The following CDC42BPB variants were observed in gnomAD, a reference collection of about 807,000 sequenced individuals.
The protein encoded by CDC42BPB is serine/threonine-protein kinase MRCK beta.
In CDC42BPB, 37 loss-of-function variants were observed where a neutral mutation model predicts 214.9. The ratio of observed to expected loss-of-function variants is 0.17; its 90% confidence interval spans 0.13 to 0.23. The LOEUF is 0.23. CDC42BPB is among the 10% of genes least tolerant of loss of function. The pLI, the probability that CDC42BPB is intolerant of heterozygous loss-of-function variation, is 1.00. For missense variants in CDC42BPB, 1,694 were observed against 2,227.0 expected, an observed-to-expected ratio of 0.76 and a Z score of 4.82; for synonymous variants, 931 against 884.0, an observed-to-expected ratio of 1.05 and a Z score of -0.94.
chr14:102,939,402 C>T (rs1316967692), intron 34 of CDC42BPB, among the ~76,000 whole-genome samples: 2 of 152,194 alleles, frequency 1.3e-5, no homozygotes, highest in African/African-American at 4.8e-5. Context: ...CAGGGCGGCC[C>T]GAGGCCTGTG....
At chr14:103,052,088 T>C (rs1477418822) in intron 1 of CDC42BPB, among the ~76,000 whole-genome samples, 1 of 151,848 alleles carries the variant, frequency 6.6e-6, no homozygotes, top group Non-Finnish European at 1.5e-5. Context: ...CACCTTGGCC[T>C]CCCAAAGTGC....
At chr14:102,934,387 A>C (rs556615361) in intron 36 of CDC42BPB, among the ~76,000 whole-genome samples, 1 of 152,016 alleles carries the variant, frequency 6.6e-6, no homozygotes, top group Non-Finnish European at 1.5e-5. Context: ...ACAAAAAATT[A>C]GCCGGGCGTG....
At chr14:102,964,444 G>A (rs1210322942) in intron 19 of CDC42BPB, 58 bp downstream of exon 19, 8 of 1,590,012 alleles carry the variant, frequency 5.0e-6, no homozygotes, top group African/African-American at 2.7e-5. Flanking sequence ...GGCTCAGGGC[G>A]GGCTCGAGGC....
At chr14:102,968,812 C>T in intron 14 of CDC42BPB, 96 bp from the exon 15 acceptor site, 2 of 1,551,164 alleles carry the variant, frequency 1.3e-6, no homozygotes, top group Admixed American at 1.8e-5. Context: ...GTGCAGACAC[C>T]TTCCCAAGGA....
Position 102,964,593 on chromosome 14 carries a change from G to A in CDC42BPB, c.2635C>T (p.Leu879=), listed in dbSNP as rs753628137. 6.2e-7 allele frequency: 1 copy of A among 1,613,896 alleles called. No homozygotes were observed. The highest frequency in any genetic ancestry group is 1.1e-5 in the South Asian group (1 of 91,074). The part of the protein sequence containing the change: ...QKLDMSARLE[L]QSALEAEIRA... The stretch of plus-strand genomic sequence containing the variant: ...ATCTCCGCCTCCAGGGCCGACTGCA[G>A]CTCCAGCCGCGCGGACATGTCCAGC... The change falls in exon 19 of 37, where the codon CTG becomes TTG. Residue 879 remains leucine, a synonymous_variant. Transcript: ENST00000361246.
rs762000637 is a variant in CDC42BPB, at chr14:102,968,308, C to T, written c.2291G>A (p.Arg764Gln). ...AVGTIKDKYE[R>Q]ERAMLFDENK... Reference sequence around the variant, plus strand: ...TTCATCAAACAGCATCGCTCTTTCTCGTTCGTATTTATCTTTTATTGTACC... The same window carrying T: ...TTCATCAAACAGCATCGCTCTTTCTTGTTCGTATTTATCTTTTATTGTACC... The change falls in exon 16 of 37, where the codon CGA (arginine) becomes CAA (glutamine). Residue 764 changes from arginine to glutamine, a missense_variant. This residue lies in a region of CDC42BPB where 462 missense variants were observed against 513.5 expected (regional missense o/e 0.90). Transcript: ENST00000361246. 3.0e-5 allele frequency: 48 copies of T among 1,613,898 alleles called. No homozygotes were observed. The highest frequency in any genetic ancestry group is 8.9e-5 in the East Asian group (4 of 44,904).
chr14:102,959,822 C>T, intron 20 of CDC42BPB, 112 bp from the exon 21 acceptor site: 1 of 726,820 alleles, frequency 1.4e-6, no homozygotes. Context: ...ACTGATACAT[C>T]TGACATGATC....
At chr14:103,053,218 G>T (rs994490368) in intron 1 of CDC42BPB, among the ~76,000 whole-genome samples, 2 of 151,844 alleles carry the variant, frequency 1.3e-5, no homozygotes, top group Non-Finnish European at 2.9e-5. Context: ...CGTGGTGGCA[G>T]GCACCTATAA....
Position 103,057,474 on chromosome 14 carries a change from C to A in CDC42BPB, c.-301G>T. 4.3e-6 allele frequency: 1 copy of A among 234,682 alleles called. No homozygotes were observed. Among genetic ancestry groups the A allele is most frequent in the South Asian group, 1.4e-4 (1 of 7,360 alleles). The allele number at this position is 234,682 out of a possible 1,614,324, so 14.5% of individuals were successfully genotyped here. On this transcript the variant is annotated 5_prime_UTR_variant, in exon 1 of 37. In the 5' UTR this introduces an upstream ATG that the reference lacks. Coordinates refer to ENST00000361246, the MANE Select transcript of CDC42BPB (RefSeq NM_006035.4). ...CCTCAGCCCCGCCCGCGGCCGCGCC[C>A]TCCCCGCCGCCGCCGCCGCAGACTA...
At chr14:102,980,345 T>C (rs1465494156) in intron 8 of CDC42BPB, among the ~76,000 whole-genome samples, 1 of 152,030 alleles carries the variant, frequency 6.6e-6, no homozygotes, top group African/African-American at 2.4e-5. Flanking sequence ...ATACAAAAAT[T>C]AGCTGGGCAT....
chr14:102,971,865 AAAAGTCACAC>A, intron 13 of CDC42BPB, 44 bp downstream of exon 13: 1 of 1,556,260 alleles, frequency 6.4e-7, no homozygotes, highest in South Asian at 1.2e-5. Context: ...GACGTTTTAT[AAAAGTCACAC>A]AAATGTCCAG....
intron 6 of CDC42BPB, among the ~76,000 whole-genome samples, chr14:102,984,300 G>A (rs1894137399): frequency 6.6e-6 from 1 of 152,162 alleles, no homozygotes; most frequent in Non-Finnish European, 1.5e-5. Context: ...AGCACGCAGG[G>A]AGTCTTGTGT....
intron 21 of CDC42BPB, chr14:102,956,315 C>T (rs1178676600): frequency 3.6e-6 from 1 of 277,402 alleles, no homozygotes; most frequent in Non-Finnish European, 5.5e-6. Context: ...ACAGGAGGAA[C>T]AAACATCATT....
chr14:102,995,852 C>T (rs1894705335), intron 5 of CDC42BPB, among the ~76,000 whole-genome samples: 1 of 152,214 alleles, frequency 6.6e-6, no homozygotes. Flanking sequence ...TCTGACCCTA[C>T]CAAATGTTCA....
chr14:102,952,708 A>C, intron 23 of CDC42BPB, 105 bp from the exon 24 acceptor site: 1 of 1,497,368 alleles, frequency 6.7e-7, no homozygotes, highest in Admixed American at 2.1e-5. Flanking sequence ...TTATCCTGAA[A>C]AGGTGGAAAT....
intron 28 of CDC42BPB, among the ~76,000 whole-genome samples, chr14:102,946,142 G>C (rs1566845834): frequency 6.6e-6 from 1 of 152,122 alleles, no homozygotes; most frequent in Non-Finnish European, 1.5e-5. Context: ...CCAAGTAGCT[G>C]GGACTACAGG....
chr14:103,021,679 CA>C (rs35207138), intron 1 of CDC42BPB, among the ~76,000 whole-genome samples: 118,420 of 133,364 alleles, frequency 0.89, 52,918 homozygotes, highest in South Asian at 0.97. Context: ...GACCTAGTCT[CA>C]AAAAAAAAAA....
intron 21 of CDC42BPB, among the ~76,000 whole-genome samples, chr14:102,957,898 G>A (rs1211570226): frequency 6.6e-6 from 1 of 152,264 alleles, no homozygotes. Context: ...GCCTCTGTGC[G>A]TGGAAAGGGC....
chr14:103,049,939 C>T (rs1031111854), intron 1 of CDC42BPB, among the ~76,000 whole-genome samples: 4 of 152,224 alleles, frequency 2.6e-5, no homozygotes, highest in Admixed American at 2.6e-4. Context: ...TCTTGAACTA[C>T]TGACCTTGTG....
Sources: gnomAD v4.1 joint callset for allele counts (sites outside exome capture counted in the v4.1 genomes callset) on GRCh38, gnomAD v4.1.1 for gene constraint, gnomAD v4.1.1 regional missense constraint, MANE v1.5 for transcripts, NCBI Gene and HGNC (gene_info 2026-07-23, HGNC 2026-07-21) for gene names.